Variants in LYN observed in about 807,000 individuals in gnomAD.
The protein encoded by LYN is tyrosine-protein kinase Lyn.
Under a neutral mutation model 65.0 loss-of-function variants are expected in LYN, and 12 were observed. The ratio of observed to expected loss-of-function variants is 0.18; its 90% CI spans 0.12 to 0.30. The LOEUF (loss-of-function observed/expected upper bound fraction) is 0.30, where lower values mean the gene tolerates loss of function less well. Among genes scored for constraint, LYN ranks in the 10% least tolerant of loss-of-function variants. The probability of loss-of-function intolerance (pLI) is 1.00; values close to 1 mark genes in which losing one functional copy is unlikely to be tolerated. For synonymous variants in LYN, 222 were observed against 221.2 expected (o/e 1.00, Z -0.03); for missense variants, 380 against 623.2 (o/e 0.61, Z 4.16).
intron 2 of LYN, 40 bp from the exon 3 acceptor site, chr8:55,946,408 C>G (rs780739981): frequency 4.3e-6 from 6 of 1,397,136 alleles, no homozygotes; most frequent in Non-Finnish European, 6.1e-6. Flanking sequence ...GTAAGAAAAG[C>G]TAAACAGAAT....
intron 2 of LYN, among the ~76,000 whole-genome samples, chr8:55,945,304 A>G (rs1401825521): frequency 1.3e-5 from 2 of 152,246 alleles, no homozygotes; most frequent in Non-Finnish European, 2.9e-5. Context: ...ATTAGTTTCT[A>G]GTCTTCTAGT....
Position 55,998,434 on chromosome 8 carries a change from T to G in LYN, c.1139T>G (p.Met380Arg), listed in dbSNP as rs1384729059. The G allele has an allele frequency of 6.2e-7, 1 of 1,614,140 alleles. No homozygotes were observed. ...AATGTTCTGGTCTCCGAGTCACTCA[T>G]GTGCAAAATTGCAGATTTTGGCCTT... ...AANVLVSESL[M>R]CKIADFGLAR... is the part of the protein sequence containing the mutation. The change falls in exon 11 of 13, where the codon ATG becomes AGG. Residue 380 changes from methionine to arginine, a missense_variant. Around this residue, in one of 2 missense-constraint regions of LYN, gnomAD observed 223 missense variants for 430.0 expected, o/e 0.52. Transcript: ENST00000519728.
intron 1 of LYN, among the ~76,000 whole-genome samples, chr8:55,919,729 G>A (rs2130429490): frequency 6.6e-6 from 1 of 152,302 alleles, no homozygotes; most frequent in Admixed American, 6.5e-5. Flanking sequence ...TCAGCGGGAG[G>A]CCAGCTGGGG....
At chr8:55,983,020 T>C (rs1807972458) in intron 10 of LYN, among the ~76,000 whole-genome samples, 1 of 151,994 alleles carries the variant, frequency 6.6e-6, no homozygotes, top group African/African-American at 2.4e-5. Flanking sequence ...ACGCACCTGG[T>C]AAAATGCCAG....
At chr8:56,003,128 C>T (rs1338830496) in intron 12 of LYN, among the ~76,000 whole-genome samples, 5 of 150,130 alleles carry the variant, frequency 3.3e-5, no homozygotes, top group African/African-American at 7.4e-5. Flanking sequence ...GGCGTGATCT[C>T]GGCTCACTGC....
chr8:55,955,324 C>A (rs1256947084), intron 8 of LYN: 1 of 152,198 alleles, frequency 6.6e-6, no homozygotes, highest in Non-Finnish European at 1.5e-5. Flanking sequence ...TTGCAGAATT[C>A]AGGTAAACTG....
At chr8:55,953,647 C>CA (rs1158550851) in intron 7 of LYN, among the ~76,000 whole-genome samples, 185 bp from the exon 8 acceptor site, 7 of 150,340 alleles carry the variant, frequency 4.7e-5, no homozygotes, top group African/African-American at 1.2e-4. Context: ...AACTTCATCT[C>CA]AAAAAAAAGA....
intron 10 of LYN, among the ~76,000 whole-genome samples, chr8:55,986,052 C>T (rs2130561289): frequency 6.6e-6 from 1 of 151,928 alleles, no homozygotes; most frequent in Non-Finnish European, 1.5e-5. Context: ...ACCTGTGGTC[C>T]CAGTTACTCA....
At chr8:55,893,579 C>T (rs1404949656) in intron 1 of LYN, 1 of 152,140 alleles carries the variant, frequency 6.6e-6, no homozygotes, top group African/African-American at 2.4e-5. Context: ...GCATAATTGA[C>T]CTGTGGCATT....
chr8:55,934,226 A>G (rs1451439250), intron 1 of LYN, among the ~76,000 whole-genome samples: 1 of 152,052 alleles, frequency 6.6e-6, no homozygotes, highest in Non-Finnish European at 1.5e-5. Flanking sequence ...ATCCGTCTCA[A>G]AAAAAAAGAA....
intron 10 of LYN, among the ~76,000 whole-genome samples, chr8:55,987,302 G>C (rs1335187569): frequency 2.0e-5 from 3 of 151,800 alleles, no homozygotes; most frequent in Non-Finnish European, 2.9e-5. Flanking sequence ...CAGCTACTGG[G>C]GAGGCTGAGG....
intron 1 of LYN, among the ~76,000 whole-genome samples, chr8:55,921,838 T>C (rs1775042150): frequency 6.6e-6 from 1 of 152,200 alleles, no homozygotes; most frequent in South Asian, 2.1e-4. Flanking sequence ...TTAAAATGTA[T>C]TGAGCATTTA....
intron 8 of LYN, among the ~76,000 whole-genome samples, chr8:55,961,150 T>C (rs1807260780): frequency 6.6e-6 from 1 of 152,228 alleles, no homozygotes; most frequent in African/African-American, 2.4e-5. Flanking sequence ...TGCATGCATT[T>C]TTTAAAAACC....
At chr8:55,916,738 C>A (rs1451687300) in intron 1 of LYN, among the ~76,000 whole-genome samples, 1 of 152,226 alleles carries the variant, frequency 6.6e-6, no homozygotes, top group Non-Finnish European at 1.5e-5. Flanking sequence ...TTGCCCTTTA[C>A]CCCATGCCCA....
At chr8:55,977,528 C>T (rs141211670) in intron 10 of LYN, among the ~76,000 whole-genome samples, 1 of 152,232 alleles carries the variant, frequency 6.6e-6, no homozygotes, top group Non-Finnish European at 1.5e-5. Context: ...TGTTTTATTA[C>T]TGTTTTTGTT....
chr8:55,954,238 C>T (rs1429572893), intron 8 of LYN, among the ~76,000 whole-genome samples: 2 of 152,190 alleles, frequency 1.3e-5, no homozygotes, highest in Non-Finnish European at 2.9e-5. Flanking sequence ...TTATCTTGAT[C>T]ATCTGCCTAT....
intron 1 of LYN, among the ~76,000 whole-genome samples, chr8:55,899,492 T>C (rs2130378568): frequency 6.6e-6 from 1 of 152,310 alleles, no homozygotes; most frequent in East Asian, 1.9e-4. Flanking sequence ...ATAAGACCAC[T>C]TCTGGGAAAT....
chr8:55,989,438 G>A (rs1167815574), intron 10 of LYN, among the ~76,000 whole-genome samples: 1 of 152,202 alleles, frequency 6.6e-6, no homozygotes, highest in Non-Finnish European at 1.5e-5. Flanking sequence ...CCACTTCTCA[G>A]TGGGTGTGTT....
intron 1 of LYN, among the ~76,000 whole-genome samples, chr8:55,938,075 T>G (rs573519328): frequency 6.6e-6 from 1 of 152,312 alleles, no homozygotes; most frequent in Admixed American, 6.5e-5. Context: ...AAAATCACTC[T>G]TCTAATATTC....
Sources: allele counts gnomAD v4.1 joint callset (sites outside exome capture counted in the v4.1 genomes callset), GRCh38; gene constraint gnomAD v4.1.1; regional missense constraint gnomAD v4.1.1; transcripts MANE v1.5; gene names NCBI Gene and HGNC (gene_info 2026-07-23, HGNC 2026-07-21).